IAH1: variants seen among roughly 807,000 people sequenced by gnomAD.
IAH1 encodes the protein isoamyl acetate-hydrolyzing esterase 1 homolog.
In IAH1, 24 loss-of-function variants were observed where a neutral mutation model predicts 26.7. The observed-to-expected ratio is 0.90, with a 90% CI of 0.65 to 1.26. The LOEUF is 1.26. Ranked by LOEUF, IAH1 falls within the 50% of genes most tolerant of loss-of-function variation. The pLI, the probability that IAH1 is intolerant of heterozygous loss-of-function variation, is 0.00. For missense variants in IAH1, 300 were observed against 299.9 expected (o/e 1.00, Z 0.00); for synonymous variants, 140 against 118.5 (o/e 1.18, Z -1.18).
chr2:9,478,782 C>A (rs1470925590), intron 3 of IAH1, among the ~76,000 whole-genome samples: 1 of 152,156 alleles, frequency 6.6e-6, no homozygotes, highest in Non-Finnish European at 1.5e-5. Context: ...AGGCTTGAAT[C>A]CTGGGCAATG....
At chr2:9,499,519 A>G (rs1341209485), downstream of IAH1, among the ~76,000 whole-genome samples, 2 of 151,902 alleles carry the variant, frequency 1.3e-5, no homozygotes, top group Non-Finnish European at 2.9e-5. Flanking sequence ...CTCCTGCCTC[A>G]GCCTCCCAAG....
the IAH1 span, among the ~76,000 whole-genome samples, chr2:9,509,806 A>G: frequency 6.6e-6 from 1 of 152,200 alleles, no homozygotes; most frequent in Non-Finnish European, 1.5e-5. Context: ...AACCAGATTT[A>G]GATGAACCGT....
At chr2:9,507,947 A>C in the IAH1 span, among the ~76,000 whole-genome samples, 1 of 152,176 alleles carries the variant, frequency 6.6e-6, no homozygotes, top group Non-Finnish European at 1.5e-5. Context: ...CCTAGGCTCA[A>C]GTGATCTGCC....
rs1362239859 is a variant in IAH1, at chr2:9,484,471, A to G, written c.485A>G (p.Tyr162Cys). 5 of 1,614,224 alleles carry G rather than the reference A, an allele frequency of 3.1e-6. No individual in the cohort carries two copies. The highest frequency in any genetic ancestry group is 1.1e-5 in the South Asian group (1 of 91,090). Residue 162 changes from tyrosine to cysteine, a missense_variant, in exon 5 of 6, where the codon TAT becomes TGT. By Grantham distance (194) the Tyr-to-Cys change is radical (BLOSUM62 -2). Transcript: ENST00000497473. ...LNRLNSVVGEYANACLQVAQD... is the reference protein window; with the variant it reads ...LNRLNSVVGECANACLQVAQD... The stretch of plus-strand genomic sequence containing the variant: ...CGCCTGAACTCTGTTGTTGGTGAAT[A>G]TGCCAATGCGTGTTTACAAGTGGCC...
At chr2:9,493,104 C>A (rs577606519), downstream of IAH1, 7 of 778,582 alleles carry the variant, frequency 9.0e-6, no homozygotes, top group East Asian at 2.9e-5. Flanking sequence ...GACATACTAC[C>A]GAGAGCAGAA....
In IAH1 at chr2:9,484,433, T is replaced by C. The variant is rs1452771507; in HGVS notation, c.447T>C (p.Gly149=). 3.7e-6 allele frequency: 6 copies of C among 1,613,526 alleles called. No homozygotes were observed. The Admixed American group carries it at 5.0e-5, about 13-fold the overall frequency. The part of the protein sequence containing the change: ...TAWEEQCIIQ[G]CKLNRLNSVV... ...ACCTCTATTTCTTCTCTTCAATAGG[T>C]TGCAAACTAAATCGCCTGAACTCTG... Residue 149 remains glycine (G), a splice_region_variant and synonymous_variant, in exon 5 of 6, where the codon GGT becomes GGC. Coordinates refer to ENST00000497473, the MANE Select transcript of IAH1 (RefSeq NM_001039613.3).
chr2:9,481,919 A>G (rs1377464363), intron 4 of IAH1, among the ~76,000 whole-genome samples: 2 of 152,108 alleles, frequency 1.3e-5, no homozygotes, highest in East Asian at 1.9e-4. Context: ...TGTGTTTTCA[A>G]TCCACCTTTG....
downstream of IAH1, chr2:9,496,674 T>A (rs1662628512): frequency 6.4e-6 from 1 of 156,798 alleles, no homozygotes; most frequent in South Asian, 2.0e-4. Context: ...AAAATCCTCA[T>A]CTAGTGGGGT....
chr2:9,487,003 G>A (rs1661536706), intron 5 of IAH1, among the ~76,000 whole-genome samples: 2 of 151,996 alleles, frequency 1.3e-5, no homozygotes, highest in Admixed American at 6.5e-5. Context: ...AGGCCAAGGT[G>A]GGAGTATTGC....
In IAH1 at chr2:9,475,335, C is replaced by T. The variant is rs141965348; in HGVS notation, c.82-652C>T. 5.2e-4 allele frequency: 298 copies of T among 574,032 alleles called. 1 individual carries two copies. The highest frequency in any genetic ancestry group is 5.1e-3 in the African/African-American group (266 of 52,144). The allele number at this position is 574,032 out of a possible 1,614,324, so 35.6% of individuals were successfully genotyped here. A position where few individuals can be genotyped will look rare whatever the true frequency, so the allele number is the denominator to read the frequency against. On this transcript the variant is annotated intron_variant, in intron 1 of 5. Transcript: ENST00000497473. ...AGTAACTGGTAACATTATGTTTAGG[C>T]ATATGGGGCAGTCAGAGCTGCCGAA...
At chr2:9,502,955 A>G in the IAH1 span, among the ~76,000 whole-genome samples, 2 of 151,354 alleles carry the variant, frequency 1.3e-5, no homozygotes, top group East Asian at 1.9e-4. Flanking sequence ...CCTGGCCAAC[A>G]TGGTGAAACT....
downstream of IAH1, among the ~76,000 whole-genome samples, chr2:9,493,560 C>G (rs559788325): frequency 6.6e-6 from 1 of 152,196 alleles, no homozygotes; most frequent in African/African-American, 2.4e-5. Flanking sequence ...TGCATCCAAG[C>G]TCCACGGGGA....
rs745315639 is a variant in IAH1, at chr2:9,478,417, A to G, written c.283+47A>G. On this transcript the variant is annotated intron_variant, in intron 3 of 5. Coordinates refer to ENST00000497473, the MANE Select transcript of IAH1 (RefSeq NM_001039613.3). ...TTCTAGCTCACTTTTAATCATTTTTATGTTACAGCAAACTTGCATTTAATA... is the reference window on the plus strand; with the variant it reads ...TTCTAGCTCACTTTTAATCATTTTTGTGTTACAGCAAACTTGCATTTAATA... 56 of 1,503,168 alleles carry G rather than the reference A, an allele frequency of 3.7e-5. No homozygotes were observed. The East Asian group carries it at 1.3e-3, about 35-fold the overall frequency. The allele number at this position is 1,503,168 out of a possible 1,614,324, so 93.1% of individuals were successfully genotyped here.
chr2:9,492,836 C>T, downstream of IAH1: 2 of 1,401,592 alleles, frequency 1.4e-6, no homozygotes, highest in South Asian at 1.4e-5. Flanking sequence ...CCAGAGATTA[C>T]ATGGTTGGAG....
At chr2:9,484,663 C>CCT (rs968153469) in intron 5 of IAH1, 113 bp downstream of exon 5, 11 of 702,538 alleles carry the variant, frequency 1.6e-5, no homozygotes, top group Non-Finnish European at 2.5e-5. Context: ...ACAGTCATCC[C>CCT]TTTAGCCAAT....
the IAH1 span, among the ~76,000 whole-genome samples, chr2:9,502,903 A>C: frequency 6.9e-6 from 1 of 145,196 alleles, no homozygotes; most frequent in Non-Finnish European, 1.5e-5. Context: ...AAAAAAAAAA[A>C]GATGAGGCAG....
At chr2:9,487,813 TGTGTGTGTGTGTGTGTGTGTGC>T (rs1365641080) in intron 5 of IAH1, among the ~76,000 whole-genome samples, 3 of 103,234 alleles carry the variant, frequency 2.9e-5, no homozygotes, top group East Asian at 2.0e-4. Context: ...TGTGTGTGTG[TGTGTGTGTGTGTGTGTGTGTGC>T]GCGCGCGCGC....
At chr2:9,496,160 G>T (rs540026896) in intron 6 of IAH1, among the ~76,000 whole-genome samples, 38 of 151,304 alleles carry the variant, frequency 2.5e-4, no homozygotes, top group African/African-American at 9.2e-4. Context: ...ATGGAGTCTC[G>T]CTCTGTTGCC....
upstream of IAH1, among the ~76,000 whole-genome samples, chr2:9,474,234 C>T (rs539858058): frequency 5.3e-5 from 8 of 152,246 alleles, no homozygotes; most frequent in African/African-American, 1.7e-4. This position sits in a 1 kb window ranked among gnomAD's most constrained non-coding sequence, Gnocchi z 4.3. Flanking sequence ...CTGTGCTTCC[C>T]GCCGCGCGTC....
Sources: allele counts gnomAD v4.1 joint callset (sites outside exome capture counted in the v4.1 genomes callset), GRCh38; gene constraint gnomAD v4.1.1; non-coding constraint Gnocchi (gnomAD v3.1); transcripts MANE v1.5; gene names NCBI Gene and HGNC (gene_info 2026-07-23, HGNC 2026-07-21).